TSPAN16: variants seen among roughly 807,000 people sequenced by gnomAD.
TSPAN16 encodes the protein tetraspanin 16.
A neutral mutation model predicts 25.2 loss-of-function variants in TSPAN16; 23 were observed. The observed-to-expected ratio is 0.91, with a 90% CI of 0.66 to 1.29. The LOEUF (loss-of-function observed/expected upper bound fraction) is 1.29, where lower values mean the gene tolerates loss of function less well. TSPAN16 is among the 50% of genes most tolerant of loss of function. The pLI, the probability that TSPAN16 is intolerant of heterozygous loss-of-function variation, is 0.00. For missense variants in TSPAN16, 272 were observed against 299.9 expected, an observed-to-expected ratio of 0.91 and a Z score of 0.69; for synonymous variants, 123 against 124.4, an observed-to-expected ratio of 0.99 and a Z score of 0.08.
chr19:11,309,995 C>G (rs991179515), intron 5 of TSPAN16, among the ~76,000 whole-genome samples: 1 of 152,006 alleles, frequency 6.6e-6, no homozygotes, highest in East Asian at 1.9e-4. Context: ...ATTTCAGCTG[C>G]TTGGGAGGCT....
At chr19:11,307,766 C>A (rs2080645369) in intron 5 of TSPAN16, 1 of 152,280 alleles carries the variant, frequency 6.6e-6, no homozygotes, top group African/African-American at 2.4e-5. Context: ...TGGGGGACCC[C>A]TGCAAAGGGG....
intron 6 of TSPAN16, among the ~76,000 whole-genome samples, chr19:11,325,812 G>A (rs964806445): frequency 6.6e-6 from 1 of 152,170 alleles, no homozygotes; most frequent in East Asian, 1.9e-4. Context: ...AGGGGCTTAT[G>A]CCTGTAATCC....
At chr19:11,312,076 T>TGGGGAC in intron 5 of TSPAN16, 63 bp from the exon 6 acceptor site, 1 of 1,315,694 alleles carries the variant, frequency 7.6e-7, no homozygotes, top group East Asian at 2.4e-5. Context: ...TTGGGGTTGA[T>TGGGGAC]GGGGACTTGC....
rs569223221 is a variant in TSPAN16, at chr19:11,325,561, G to C, written c.688-1233G>C. 8 of 1,612,324 alleles carry C rather than the reference G, an allele frequency of 5.0e-6. No homozygotes were observed. In the South Asian group the frequency reaches 7.7e-5, roughly 15 times the overall value. On this transcript the variant is annotated intron_variant, in intron 6 of 6. Coordinates refer to the TSPAN16 transcript ENST00000316737. ...CTGCTTCACATTGATGTTCTCCTTGGCACTGGCTTCAAAGAACTCGAAACC... is the reference window on the plus strand; with the variant it reads ...CTGCTTCACATTGATGTTCTCCTTGCCACTGGCTTCAAAGAACTCGAAACC...
intron 5 of TSPAN16, 112 bp from the exon 6 acceptor site, chr19:11,312,027 C>T (rs2080697274): frequency 2.6e-6 from 2 of 771,500 alleles, no homozygotes; most frequent in Non-Finnish European, 4.3e-6. Context: ...CCCCGCTTCT[C>T]CTCAAAGAAT....
At chr19:11,313,797 C>A (rs1315771974) in intron 6 of TSPAN16, among the ~76,000 whole-genome samples, 1 of 152,112 alleles carries the variant, frequency 6.6e-6, no homozygotes, top group African/African-American at 2.4e-5. Flanking sequence ...AATGGTGAAG[C>A]CATTTCCTAA....
At chr19:11,318,550 C>A (rs1433541538), downstream of TSPAN16, among the ~76,000 whole-genome samples, 1 of 152,148 alleles carries the variant, frequency 6.6e-6, no homozygotes. Context: ...ATGGTCACAG[C>A]TGAGCATCAA....
At chr19:11,307,105 G>A (rs942081718) in intron 5 of TSPAN16, among the ~76,000 whole-genome samples, 1 of 149,664 alleles carries the variant, frequency 6.7e-6, no homozygotes, top group Non-Finnish European at 1.5e-5. Context: ...ACTGTACCCA[G>A]CCTTTTTATT....
chr19:11,298,464 T>TCA, intron 2 of TSPAN16, 125 bp downstream of exon 2: 1 of 887,686 alleles, frequency 1.1e-6, no homozygotes, highest in Non-Finnish European at 1.7e-6. Flanking sequence ...GGACAGGGTT[T>TCA]CACTCTGTCG....
chr19:11,302,670 T>A (rs1243509865), intron 4 of TSPAN16, among the ~76,000 whole-genome samples: 4 of 117,760 alleles, frequency 3.4e-5, no homozygotes, highest in African/African-American at 2.3e-4. Context: ...CATATATATA[T>A]ATATATATAC....
intron 2 of TSPAN16, 85 bp from the exon 3 acceptor site, chr19:11,298,787 C>G (rs900704054): frequency 3.0e-6 from 4 of 1,351,054 alleles, no homozygotes; most frequent in Non-Finnish European, 4.2e-6. Context: ...GTCGGGGGAA[C>G]AGAGACAACC....
exon 7 of TSPAN16, chr19:11,326,887 A>G (rs1323858457): frequency 7.0e-6 from 4 of 570,332 alleles, no homozygotes; most frequent in South Asian, 2.1e-5. Flanking sequence ...TGGGTTTACC[A>G]GCGTGAGCCA....
chr19:11,302,902 T>A (rs1471986257), intron 4 of TSPAN16, among the ~76,000 whole-genome samples: 370 of 148,466 alleles, frequency 2.5e-3, no homozygotes, highest in African/African-American at 8.8e-3. Context: ...TTTTTTTTTT[T>A]GTAGATATGG....
chr19:11,312,349 CAAAG>C, intron 6 of TSPAN16, 127 bp downstream of exon 6: 1 of 482,162 alleles, frequency 2.1e-6, no homozygotes. Context: ...AGAAACTCAA[CAAAG>C]AAGAACAAAC....
intron 6 of TSPAN16, among the ~76,000 whole-genome samples, chr19:11,312,669 G>A (rs939910828): frequency 6.6e-6 from 1 of 152,048 alleles, no homozygotes; most frequent in African/African-American, 2.4e-5. Context: ...GGGGGCTGAG[G>A]CAGGGGGATC....
rs574679234 is a variant in TSPAN16, at chr19:11,325,276, G to A, written c.688-1518G>A. 5.6e-4 allele frequency: 371 copies of A among 660,784 alleles called. 8 individuals carry two copies. The East Asian group carries it at 8.6e-3, about 15-fold the overall frequency. 40.9% of individuals were successfully genotyped at this position (660,784 alleles called of 1,614,324 possible). The stretch of plus-strand genomic sequence containing the variant: ...TGAAGGAATGAGCCATGCAGGAGTC[G>A]GGGAGCAGTTGACAGGAGGGAAGGG... On this transcript the variant is annotated intron_variant, in intron 6 of 6. Transcript: ENST00000316737.
downstream of TSPAN16, among the ~76,000 whole-genome samples, chr19:11,320,877 G>C (rs946899280): frequency 1.3e-4 from 19 of 151,790 alleles, no homozygotes; most frequent in African/African-American, 4.6e-4. Flanking sequence ...AATTTATAAA[G>C]GAAAGAGGTT....
chr19:11,326,531 G>C (rs944317178), intron 6 of TSPAN16, among the ~76,000 whole-genome samples: 4 of 152,224 alleles, frequency 2.6e-5, no homozygotes, highest in Admixed American at 2.6e-4. Context: ...CCCACAGGTG[G>C]CTATAGCTCA....
intron 4 of TSPAN16, among the ~76,000 whole-genome samples, chr19:11,302,662 T>TATATATATATATATATACACATAC (rs2147940308): frequency 1.2e-5 from 1 of 84,808 alleles, no homozygotes; most frequent in East Asian, 2.5e-4. Flanking sequence ...TACACATACA[T>TATATATATATATATATACACATAC]ATATATATAT....
Sources: gnomAD v4.1 joint callset for allele counts (sites outside exome capture counted in the v4.1 genomes callset) on GRCh38, gnomAD v4.1.1 for gene constraint, MANE v1.5 for transcripts, NCBI Gene and HGNC (gene_info 2026-07-23, HGNC 2026-07-21) for gene names.